The following FAAH2 variants were observed in gnomAD, a reference collection of about 807,000 sequenced individuals.
The protein encoded by FAAH2 is fatty acid amide hydrolase 2.
Under a neutral mutation model 36.9 loss-of-function variants are expected in FAAH2, and 60 were observed. The ratio of observed to expected loss-of-function variants is 1.63; its 90% CI spans 1.32 to 2.02. The LOEUF (loss-of-function observed/expected upper bound fraction) is 2.02. Among genes scored for constraint, FAAH2 ranks in the 30% most tolerant of loss-of-function variants. The probability of loss-of-function intolerance (pLI) is 0.00; values close to 1 mark genes in which losing one functional copy is unlikely to be tolerated. For synonymous variants in FAAH2, 214 were observed against 143.8 expected, an observed-to-expected ratio of 1.49 and a Z score of -3.49; for missense variants, 689 against 397.5, an observed-to-expected ratio of 1.73 and a Z score of -6.23.
intron 8 of FAAH2, among the ~76,000 whole-genome samples, chrX:57,443,551 G>A (rs1047868962): frequency 6.3e-5 from 7 of 111,664 alleles, no homozygotes; most frequent in East Asian, 2.8e-4. Flanking sequence ...TGACGCGTTC[G>A]AAGATCCTCC....
At chrX:57,252,644 C>T in the FAAH2 span, among the ~76,000 whole-genome samples, 1 of 112,054 alleles carries the variant, frequency 8.9e-6, no homozygotes, top group East Asian at 2.8e-4. Flanking sequence ...AGTGGACCTC[C>T]AGTAAACCCC....
chrX:57,437,813 A>C (rs2056442879), intron 8 of FAAH2, among the ~76,000 whole-genome samples: 1 of 102,300 alleles, frequency 9.8e-6, no homozygotes, highest in South Asian at 4.0e-4. Flanking sequence ...TCAGATTTAT[A>C]TTTTTAAATT....
Position 57,401,523 on chromosome X carries a change from A to G in FAAH2, c.996+20494A>G, listed in dbSNP as rs193261236. Among the ~76,000 whole-genome samples the G allele has an allele frequency of 1.3e-4, 15 of 111,624 alleles. No homozygotes were observed. In the East Asian group the frequency reaches 4.2e-3, roughly 32 times the overall value. Reference sequence around the variant, plus strand: ...GACAACGGCCTCATTGATAATCCTGAGATCTTGCACTAACCTTCTCTGTCC... The same window carrying G: ...GACAACGGCCTCATTGATAATCCTGGGATCTTGCACTAACCTTCTCTGTCC... On this transcript the variant is annotated intron_variant, in intron 7 of 10. Coordinates refer to ENST00000374900, the MANE Select transcript of FAAH2 (RefSeq NM_174912.4).
intron 10 of FAAH2, among the ~76,000 whole-genome samples, chrX:57,461,070 G>A (rs1384989101): frequency 9.1e-6 from 1 of 110,459 alleles, no homozygotes; most frequent in Non-Finnish European, 1.9e-5. Flanking sequence ...TTACATAATG[G>A]TAAAATGATC....
At chrX:57,296,878 A>G in intron 2 of FAAH2, among the ~76,000 whole-genome samples, 1 of 111,544 alleles carries the variant, frequency 9.0e-6, no homozygotes, top group African/African-American at 3.3e-5. Context: ...AATGAATGAA[A>G]TGAAGCGAGA....
In FAAH2 at chrX:57,394,964, C is replaced by A. The variant is rs766895493; in HGVS notation, c.996+13935C>A. The A allele has an allele frequency of 2.7e-5, 16 of 582,585 alleles. No homozygotes were observed. The South Asian group carries it at 3.1e-4, about 11-fold the overall frequency. 48.0% of individuals were successfully genotyped at this position (582,585 alleles called of 1,213,427 possible). On this transcript the variant is annotated intron_variant, in intron 7 of 10. Coordinates refer to ENST00000374900, the MANE Select transcript of FAAH2 (RefSeq NM_174912.4). ...CCCTGTCTCTTTCATGAGTTCCAAGCATCCTTTAGGCATACAAGGAATGAA... is the reference window on the plus strand; with the variant it reads ...CCCTGTCTCTTTCATGAGTTCCAAGAATCCTTTAGGCATACAAGGAATGAA...
At chrX:57,220,635 C>T in the FAAH2 span, among the ~76,000 whole-genome samples, 1 of 112,236 alleles carries the variant, frequency 8.9e-6, no homozygotes, top group Non-Finnish European at 1.9e-5. Flanking sequence ...TGCTTGCCTC[C>T]ACCATCAGGG....
intron 9 of FAAH2, 73 bp from the exon 10 acceptor site, chrX:57,448,451 A>G: frequency 1.0e-6 from 1 of 958,903 alleles, no homozygotes; most frequent in Non-Finnish European, 1.4e-6. Context: ...TACTTGAATA[A>G]GAAAAGATAA....
intron 7 of FAAH2, among the ~76,000 whole-genome samples, chrX:57,405,054 A>G (rs760628789): frequency 8.0e-4 from 90 of 112,047 alleles, no homozygotes; most frequent in African/African-American, 2.8e-3. Context: ...CTGAGTCTTA[A>G]GTTCAGTGGC....
chrX:57,248,543 C>T, the FAAH2 span, among the ~76,000 whole-genome samples: 1 of 109,814 alleles, frequency 9.1e-6, no homozygotes, highest in Non-Finnish European at 1.9e-5. Flanking sequence ...CACCTGAGGT[C>T]GGGAGTTTGA....
the FAAH2 span, among the ~76,000 whole-genome samples, chrX:57,124,226 A>G: frequency 9.0e-6 from 1 of 111,599 alleles, no homozygotes; most frequent in Non-Finnish European, 1.9e-5. Flanking sequence ...ACATATGGCT[A>G]GCCAGTTTTC....
At chrX:57,237,721 A>G in the FAAH2 span, among the ~76,000 whole-genome samples, 1 of 111,587 alleles carries the variant, frequency 9.0e-6, no homozygotes, top group East Asian at 2.8e-4. Flanking sequence ...AACCTAAAGA[A>G]TGAAATAAAT....
the FAAH2 span, among the ~76,000 whole-genome samples, chrX:57,202,410 T>C: frequency 4.6e-4 from 51 of 111,831 alleles, no homozygotes; most frequent in Non-Finnish European, 8.5e-4. Flanking sequence ...CTTGATAGTC[T>C]TGGGAAATAT....
intron 7 of FAAH2, 34 bp from the exon 8 acceptor site, chrX:57,431,884 A>G (rs778050036): frequency 8.7e-7 from 1 of 1,143,251 alleles, no homozygotes; most frequent in Non-Finnish European, 1.2e-6. Context: ...TCTTCTCATC[A>G]TGTTTGTCTG....
At chrX:57,122,420 C>A in the FAAH2 span, among the ~76,000 whole-genome samples, 1 of 111,758 alleles carries the variant, frequency 8.9e-6, no homozygotes, top group African/African-American at 3.3e-5. Flanking sequence ...GGGCATTTGA[C>A]ATAATATTTC....
intron 7 of FAAH2, among the ~76,000 whole-genome samples, chrX:57,386,730 A>G (rs185076677): frequency 2.7e-5 from 3 of 111,892 alleles, no homozygotes; most frequent in Non-Finnish European, 3.8e-5. Context: ...ATTCATGTGT[A>G]TGAAAAGCCA....
the FAAH2 span, among the ~76,000 whole-genome samples, chrX:57,155,368 C>A: frequency 2.7e-5 from 3 of 111,274 alleles, no homozygotes; most frequent in Non-Finnish European, 5.7e-5. Flanking sequence ...GGGTGTGATT[C>A]CCAGTCAATG....
chrX:57,201,715 C>T, the FAAH2 span, among the ~76,000 whole-genome samples: 1 of 110,547 alleles, frequency 9.0e-6, no homozygotes, highest in East Asian at 2.9e-4. Flanking sequence ...TGTTATTATC[C>T]CTCTGAATAA....
At chrX:57,130,360 G>A in the FAAH2 span, among the ~76,000 whole-genome samples, 1 of 111,740 alleles carries the variant, frequency 8.9e-6, no homozygotes, top group African/African-American at 3.3e-5. Flanking sequence ...TTGAACTTAA[G>A]GCCTTATCTT....
Sources: gnomAD v4.1 joint callset for allele counts (sites outside exome capture counted in the v4.1 genomes callset) on GRCh38, gnomAD v4.1.1 for gene constraint, MANE v1.5 for transcripts, NCBI Gene and HGNC (gene_info 2026-07-23, HGNC 2026-07-21) for gene names.